The following LRRC7 variants were observed in gnomAD, a reference collection of about 807,000 sequenced individuals.
LRRC7 encodes the protein leucine-rich repeat-containing protein 7.
In LRRC7, 23 loss-of-function variants were observed where a neutral mutation model predicts 175.7. The ratio of observed to expected loss-of-function variants is 0.13; its 90% CI spans 0.09 to 0.19. The LOEUF is 0.19. Ranked by LOEUF, LRRC7 falls within the 10% of genes least tolerant of loss-of-function variation. The probability of loss-of-function intolerance (pLI) is 1.00; values close to 1 mark genes in which losing one functional copy is unlikely to be tolerated. For synonymous variants in LRRC7, 685 were observed against 680.9 expected, an observed-to-expected ratio of 1.01 and a Z score of -0.09; for missense variants, 1,354 against 1,904.7, an observed-to-expected ratio of 0.71 and a Z score of 5.38.
At chr1:69,580,331 TATA>T (rs1646144118) in intron 1 of LRRC7, among the ~76,000 whole-genome samples, 1 of 152,144 alleles carries the variant, frequency 6.6e-6, no homozygotes, top group Admixed American at 6.6e-5. Flanking sequence ...TGGTTAAAAA[TATA>T]ATTTTTAACA....
In LRRC7 at chr1:69,943,949, AACACACACACACACAC is replaced by A. The variant is rs55900412; in HGVS notation, c.711+12403_711+12418del. ...TCAGTTCTTATTTTTTATCATGGTAAACACACACACACACACACACACACACACACACACACACAAC... is the reference window on the plus strand; with the variant it reads ...TCAGTTCTTATTTTTTATCATGGTAAACACACACACACACACACACACAAC... On this transcript the variant is annotated intron_variant, in intron 8 of 26. Transcript: ENST00000651989. Among the ~76,000 whole-genome samples, 19 of 145,392 alleles carry A rather than the reference AACACACACACACACAC, an allele frequency of 1.3e-4. No individual in the cohort carries two copies. The South Asian group carries it at 1.3e-3, about 10-fold the overall frequency.
At chr1:69,710,024 T>C (rs911137667) in intron 2 of LRRC7, among the ~76,000 whole-genome samples, 2 of 152,150 alleles carry the variant, frequency 1.3e-5, no homozygotes, top group African/African-American at 4.8e-5. Context: ...ACACCTGTAA[T>C]CTTAGCACTT....
At chr1:70,049,931 T>C (rs996764646) in intron 22 of LRRC7, among the ~76,000 whole-genome samples, 7 of 152,074 alleles carry the variant, frequency 4.6e-5, no homozygotes, top group Admixed American at 6.6e-5. Context: ...GATCCTTGTA[T>C]TCTTAAGAGA....
chr1:69,902,912 G>T (rs2101673343), intron 7 of LRRC7, among the ~76,000 whole-genome samples: 1 of 152,266 alleles, frequency 6.6e-6, no homozygotes, highest in Admixed American at 6.5e-5. Flanking sequence ...TGATTGAAGT[G>T]AGTTTTCATT....
intron 1 of LRRC7, among the ~76,000 whole-genome samples, chr1:69,630,427 G>C (rs1487318398): frequency 6.6e-6 from 1 of 152,110 alleles, no homozygotes; most frequent in African/African-American, 2.4e-5. Flanking sequence ...CTGCCAAATT[G>C]CCTTATAAAA....
chr1:69,731,623 C>A (rs1354558164), intron 2 of LRRC7, among the ~76,000 whole-genome samples: 1 of 152,168 alleles, frequency 6.6e-6, no homozygotes, highest in Non-Finnish European at 1.5e-5. Flanking sequence ...TCAAAGGTAA[C>A]TTTTTGTTTG....
At chr1:69,725,017 AC>A (rs1666787713) in intron 2 of LRRC7, among the ~76,000 whole-genome samples, 1 of 152,002 alleles carries the variant, frequency 6.6e-6, no homozygotes, top group Non-Finnish European at 1.5e-5. Flanking sequence ...ATAACTTTTG[AC>A]TCCACAAAAG....
At chr1:69,717,478 G>C (rs1665504572) in intron 2 of LRRC7, among the ~76,000 whole-genome samples, 1 of 151,596 alleles carries the variant, frequency 6.6e-6, no homozygotes, top group Admixed American at 6.6e-5. Flanking sequence ...GGACTCAATA[G>C]AGATGAAAAA....
chr1:69,599,361 A>G (rs1488266942), intron 1 of LRRC7, among the ~76,000 whole-genome samples: 1 of 152,190 alleles, frequency 6.6e-6, no homozygotes, highest in Non-Finnish European at 1.5e-5. Flanking sequence ...TGTGCAGGCT[A>G]ACTTTGCACT....
Position 70,138,549 on chromosome 1 carries a change from G to A in LRRC7, c.*16662G>A, listed in dbSNP as rs1452571159. On this transcript the variant is annotated 3_prime_UTR_variant, in exon 27 of 27. Transcript: ENST00000651989. Reference sequence around the variant, plus strand: ...AAGTTATGTCTATTAACTCTTTAAGGTACATGATATAGCAAATAATCATTT... The same window carrying A: ...AAGTTATGTCTATTAACTCTTTAAGATACATGATATAGCAAATAATCATTT... 6.6e-6 allele frequency: 1 copy of A among 152,120 alleles called. No individual in the cohort carries two copies. Among genetic ancestry groups the A allele is most frequent in the African/African-American group, 2.4e-5 (1 of 41,422 alleles). The allele number at this position is 152,120 out of a possible 1,614,324, so 9.4% of individuals were successfully genotyped here. A position where few individuals can be genotyped will look rare whatever the true frequency, so the allele number is the denominator to read the frequency against.
At chr1:69,977,553 C>T (rs553287143) in intron 8 of LRRC7, among the ~76,000 whole-genome samples, 1 of 152,258 alleles carries the variant, frequency 6.6e-6, no homozygotes, top group South Asian at 2.1e-4. Context: ...CACTGTGTGG[C>T]AGTGACAATA....
intron 4 of LRRC7, among the ~76,000 whole-genome samples, chr1:69,796,575 G>A (rs112434137): frequency 6.6e-6 from 1 of 151,976 alleles, no homozygotes; most frequent in Non-Finnish European, 1.5e-5. Context: ...ACCTGAGGTC[G>A]GGAGTTCGAG....
At chr1:69,752,651 G>A (rs892956216) in intron 2 of LRRC7, among the ~76,000 whole-genome samples, 8 of 152,122 alleles carry the variant, frequency 5.3e-5, no homozygotes, top group Admixed American at 5.2e-4. Context: ...AGCAAGCACT[G>A]CTGTTCAAAT....
At chr1:69,755,995 A>G (rs905283541) in intron 2 of LRRC7, among the ~76,000 whole-genome samples, 4 of 151,968 alleles carry the variant, frequency 2.6e-5, no homozygotes, top group African/African-American at 9.7e-5. Flanking sequence ...CAGAAAGTAG[A>G]ACTCAAATAA....
intron 7 of LRRC7, among the ~76,000 whole-genome samples, chr1:69,902,768 A>G (rs536224730): frequency 6.6e-6 from 1 of 152,364 alleles, no homozygotes; most frequent in Non-Finnish European, 1.5e-5. Context: ...TTTATTCAAT[A>G]AAATTCAAGT....
chr1:69,654,412 T>A (rs1203740875), intron 1 of LRRC7, among the ~76,000 whole-genome samples: 2 of 152,078 alleles, frequency 1.3e-5, no homozygotes, highest in African/African-American at 2.4e-5. Context: ...CAAATTCAAG[T>A]GAGCAAAAAT....
At position 70,126,099 on chromosome 1, in the gene LRRC7, C is replaced by A. The variant is rs1160775906; in HGVS notation, c.*4212C>A. ...ACGCTGTCCCTAACCAATTTCTACCCCTCATTAGCACACCGATCAAATATG... is the reference window on the plus strand; with the variant it reads ...ACGCTGTCCCTAACCAATTTCTACCACTCATTAGCACACCGATCAAATATG... On this transcript the variant is annotated 3_prime_UTR_variant, in exon 27 of 27. Transcript: ENST00000651989. Among the ~76,000 whole-genome samples, 4 of 152,036 alleles carry A rather than the reference C, an allele frequency of 2.6e-5. No individual in the cohort carries two copies. The highest frequency in any genetic ancestry group is 5.9e-5 in the Non-Finnish European group (4 of 68,018).
In LRRC7 at chr1:70,021,684, C is replaced by T. The variant is rs181266000; in HGVS notation, c.1545+555C>T. Among the ~76,000 whole-genome samples, 11 of 152,212 alleles carry T rather than the reference C, an allele frequency of 7.2e-5. No homozygotes were observed. The East Asian group carries it at 9.7e-4, about 13-fold the overall frequency. ...ATGGCAGGTGATGTTCCTTAGGGAA[C>T]ATAACTTCAATTTTTTTTACCTCAA... On this transcript the variant is annotated intron_variant, in intron 16 of 26. Coordinates refer to ENST00000651989, the MANE Select transcript of LRRC7 (RefSeq NM_001370785.2).
At chr1:69,862,377 T>G (rs763824069) in intron 7 of LRRC7, among the ~76,000 whole-genome samples, 1 of 152,128 alleles carries the variant, frequency 6.6e-6, no homozygotes, top group South Asian at 2.1e-4. Flanking sequence ...GAAATGAAAC[T>G]TTTTATAATA....
Sources: allele counts gnomAD v4.1 joint callset (sites outside exome capture counted in the v4.1 genomes callset), GRCh38; gene constraint gnomAD v4.1.1; transcripts MANE v1.5; gene names NCBI Gene and HGNC (gene_info 2026-07-23, HGNC 2026-07-21).